CFAP47: variants seen among roughly 807,000 people sequenced by gnomAD.
CFAP47 encodes the protein cilia and flagella associated protein 47.
In CFAP47, 29 loss-of-function variants were observed where a neutral mutation model predicts 148.1. That is an observed-to-expected ratio of 0.20 (90% CI 0.15 to 0.27). The LOEUF (loss-of-function observed/expected upper bound fraction) is 0.27, where lower values mean the gene tolerates loss of function less well. CFAP47 is among the 10% of genes least tolerant of loss of function. The pLI is 1.00. For missense variants in CFAP47, 1,872 were observed against 1,697.5 expected (o/e 1.10, Z -1.81); for synonymous variants, 664 against 577.3 (o/e 1.15, Z -2.15).
intron 57 of CFAP47, among the ~76,000 whole-genome samples, chrX:36,329,862 A>G (rs782414950): frequency 3.8e-4 from 43 of 112,079 alleles, no homozygotes; most frequent in African/African-American, 1.3e-3. Context: ...TACCATTAGA[A>G]TAATGTAAAA....
rs904998899 is a variant in CFAP47, at chrX:36,077,800, G to C, written c.4691+4436G>C. On this transcript the variant is annotated intron_variant, in intron 29 of 63. Coordinates refer to ENST00000378653, the MANE Select transcript of CFAP47 (RefSeq NM_001304548.2). ...CCAGCACTTTGGGAGGCTGAGGTGG[G>C]TGGATTGCTGGAGGTCATGAGTTCA... 2.7e-5 allele frequency among the ~76,000 whole-genome samples: 3 copies of C among 111,018 alleles called. No individual in the cohort carries two copies. The Admixed American group carries it at 2.9e-4, about 11-fold the overall frequency.
intron 48 of CFAP47, among the ~76,000 whole-genome samples, chrX:36,239,752 A>C (rs782297969): frequency 8.9e-6 from 1 of 111,753 alleles, no homozygotes; most frequent in Non-Finnish European, 1.9e-5. Context: ...TCTCTGGTAT[A>C]TTCCTGGGAA....
chrX:36,026,688 T>C (rs918836810), intron 22 of CFAP47, among the ~76,000 whole-genome samples: 2 of 110,700 alleles, frequency 1.8e-5, no homozygotes, highest in African/African-American at 6.6e-5. Context: ...TATGTATTTT[T>C]GATAAGCTCT....
intron 37 of CFAP47, among the ~76,000 whole-genome samples, chrX:36,156,491 G>T (rs1939368439): frequency 9.0e-6 from 1 of 110,901 alleles, no homozygotes; most frequent in Admixed American, 9.7e-5. Flanking sequence ...TATAAATTTA[G>T]CAAACCATTC....
chrX:36,385,248 C>A lies in CFAP47; in HGVS notation c.*242C>A. 1 of 286,470 alleles carries A rather than the reference C, an allele frequency of 3.5e-6. No individual in the cohort carries two copies. Among genetic ancestry groups the A allele is most frequent in the South Asian group, 8.1e-5 (1 of 12,411 alleles). 23.6% of individuals were successfully genotyped at this position (286,470 alleles called of 1,213,427 possible). A position where few individuals can be genotyped will look rare whatever the true frequency, so the allele number is the denominator to read the frequency against. On this transcript the variant is annotated 3_prime_UTR_variant, in exon 64 of 64. Coordinates refer to ENST00000378653, the MANE Select transcript of CFAP47 (RefSeq NM_001304548.2). The stretch of plus-strand genomic sequence containing the variant: ...GTGCAGGTGTATATTTGTGGTAAAA[C>A]GAAATATAATTTAAATGACAACAGT...
chrX:35,980,256 G>A (rs942178337), intron 15 of CFAP47, among the ~76,000 whole-genome samples: 3 of 111,715 alleles, frequency 2.7e-5, no homozygotes, highest in African/African-American at 9.8e-5. Context: ...CCATACCCCT[G>A]ATATACTTAA....
intron 26 of CFAP47, among the ~76,000 whole-genome samples, chrX:36,061,270 G>A (rs1378690490): frequency 8.9e-6 from 1 of 111,764 alleles, no homozygotes; most frequent in African/African-American, 3.3e-5. Flanking sequence ...ACAGCGTGCA[G>A]AACTGTGAGT....
intron 45 of CFAP47, among the ~76,000 whole-genome samples, chrX:36,224,114 T>A (rs1220745819): frequency 9.0e-6 from 1 of 111,674 alleles, no homozygotes; most frequent in Middle Eastern, 4.2e-3. Flanking sequence ...TATTTTTAGA[T>A]GGCTTTCAGT....
At chrX:36,203,873 A>G (rs1940009389) in intron 44 of CFAP47, among the ~76,000 whole-genome samples, 1 of 111,967 alleles carries the variant, frequency 8.9e-6, no homozygotes, top group African/African-American at 3.2e-5. Context: ...GGAACTAAAA[A>G]TAACAAACCT....
At chrX:36,122,270 G>A (rs1344469910) in intron 33 of CFAP47, among the ~76,000 whole-genome samples, 1 of 110,980 alleles carries the variant, frequency 9.0e-6, no homozygotes, top group Non-Finnish European at 1.9e-5. Context: ...TTAAATTGCT[G>A]GGGGTAGTCT....
At chrX:36,055,629 C>T (rs1937548952) in intron 26 of CFAP47, among the ~76,000 whole-genome samples, 1 of 112,080 alleles carries the variant, frequency 8.9e-6, no homozygotes, top group South Asian at 3.7e-4. Flanking sequence ...CTGCAGTGAA[C>T]ATACATGTGC....
intron 30 of CFAP47, among the ~76,000 whole-genome samples, chrX:36,094,892 T>A (rs182730742): frequency 4.7e-4 from 52 of 111,181 alleles, no homozygotes; most frequent in African/African-American, 1.6e-3. Flanking sequence ...TTGCTCTAGC[T>A]GGGACTTCCT....
intron 45 of CFAP47, among the ~76,000 whole-genome samples, chrX:36,210,554 T>C (rs1457702983): frequency 8.9e-6 from 1 of 112,563 alleles, no homozygotes; most frequent in African/African-American, 3.2e-5. Context: ...AATTTAGTTG[T>C]CTTTTTATCA....
chrX:36,058,115 T>C (rs1270222182), intron 26 of CFAP47, among the ~76,000 whole-genome samples: 2 of 112,097 alleles, frequency 1.8e-5, no homozygotes, highest in African/African-American at 6.5e-5. Context: ...AATATTAGCA[T>C]GATTTATTTT....
intron 49 of CFAP47, among the ~76,000 whole-genome samples, chrX:36,278,997 CT>C (rs1189223321): frequency 9.0e-6 from 1 of 111,386 alleles, no homozygotes; most frequent in Non-Finnish European, 1.9e-5. Context: ...TCTGTATTGC[CT>C]GTCAACACAC....
intron 49 of CFAP47, among the ~76,000 whole-genome samples, chrX:36,278,674 G>A (rs1402026310): frequency 1.8e-5 from 2 of 112,136 alleles, no homozygotes; most frequent in Non-Finnish European, 3.8e-5. Context: ...CTTCTGCGTC[G>A]ATCATGCTGG....
At chrX:36,371,655 T>C (rs5006774) in intron 62 of CFAP47, among the ~76,000 whole-genome samples, 2,483 of 72,756 alleles carry the variant, frequency 0.034, 282 homozygotes, top group African/African-American at 0.16. Context: ...TGTGTATATA[T>C]GTGTGTATAT....
At chrX:36,356,792 A>C (rs1249784498) in intron 60 of CFAP47, among the ~76,000 whole-genome samples, 3 of 111,580 alleles carry the variant, frequency 2.7e-5, no homozygotes, top group Non-Finnish European at 5.6e-5. Flanking sequence ...CACTACACTG[A>C]GTGGCATGGA....
At chrX:36,307,317 A>G (rs1941358824) in intron 55 of CFAP47, among the ~76,000 whole-genome samples, 1 of 111,486 alleles carries the variant, frequency 9.0e-6, no homozygotes, top group African/African-American at 3.2e-5. Context: ...CGCTTTTGAC[A>G]ATCTCTAAAT....
Sources: allele counts gnomAD v4.1 joint callset (sites outside exome capture counted in the v4.1 genomes callset), GRCh38; gene constraint gnomAD v4.1.1; transcripts MANE v1.5; gene names NCBI Gene and HGNC (gene_info 2026-07-23, HGNC 2026-07-21).